RGS7: variants seen among roughly 807,000 people sequenced by gnomAD.
The protein encoded by RGS7 is regulator of G protein signaling 7.
A neutral mutation model predicts 81.1 loss-of-function variants in RGS7; 27 were observed. The observed-to-expected ratio is 0.33, with a 90% CI of 0.25 to 0.46. The LOEUF (loss-of-function observed/expected upper bound fraction) is 0.46. Among genes scored for constraint, RGS7 ranks in the 20% least tolerant of loss-of-function variants. The probability of loss-of-function intolerance (pLI) is 1.00; values close to 1 mark genes in which losing one functional copy is unlikely to be tolerated. For synonymous variants in RGS7, 208 were observed against 207.7 expected, an observed-to-expected ratio of 1.00 and a Z score of -0.01; for missense variants, 396 against 607.4, an observed-to-expected ratio of 0.65 and a Z score of 3.66.
At position 240,868,542 on chromosome 1, in the gene RGS7, AGACG is replaced by A. The variant is rs1242952408; in HGVS notation, c.609+41_609+44del. 1.3e-6 allele frequency: 2 copies of A among 1,572,390 alleles called. No individual in the cohort carries two copies. The highest frequency in any genetic ancestry group is 1.8e-6 in the Non-Finnish European group (2 of 1,142,380). On this transcript the variant is annotated intron_variant, in intron 9 of 18. Transcript: ENST00000440928. This position sits in a 1 kb window ranked among gnomAD's most constrained non-coding sequence, Gnocchi z 5.1. Reference sequence around the variant, plus strand: ...TGGCAGGGCACCCCTCACTTCCCACAGACGGAGAAGATGGATTCAAGACGAGAGT... The same window carrying A: ...TGGCAGGGCACCCCTCACTTCCCACAGAGAAGATGGATTCAAGACGAGAGT...
Position 241,171,682 on chromosome 1 carries a change from G to A in RGS7, c.79-72920C>T, listed in dbSNP as rs146148070. ...ATTTAATTACACCAGGGAATACTTCGGGTATTTTGAGAGATAGATGGATTA... is the reference window on the plus strand; with the variant it reads ...ATTTAATTACACCAGGGAATACTTCAGGTATTTTGAGAGATAGATGGATTA... On this transcript the variant is annotated intron_variant, in intron 2 of 18. Transcript: ENST00000440928. Among the ~76,000 whole-genome samples, 304 of 152,184 alleles carry A rather than the reference G, an allele frequency of 2.0e-3. 13 individuals carry two copies. In the East Asian group the frequency reaches 0.043, roughly 21 times the overall value.
intron 4 of RGS7, among the ~76,000 whole-genome samples, chr1:240,960,213 TC>T (rs1681140206): frequency 5.9e-5 from 2 of 33,876 alleles, no homozygotes; most frequent in African/African-American, 2.4e-4. Flanking sequence ...TTCCTCTTCT[TC>T]TTCTTTTTTT....
At chr1:241,106,461 T>A (rs1003503324) in intron 2 of RGS7, among the ~76,000 whole-genome samples, 1 of 152,108 alleles carries the variant, frequency 6.6e-6, no homozygotes, top group Non-Finnish European at 1.5e-5. Flanking sequence ...ATGCCTATAA[T>A]CCCAGCACTT....
intron 2 of RGS7, among the ~76,000 whole-genome samples, chr1:241,110,802 G>A (rs896887296): frequency 6.6e-6 from 1 of 151,032 alleles, no homozygotes; most frequent in Admixed American, 6.6e-5. Flanking sequence ...TGATTCTCCT[G>A]TCTCAGCCTC....
chr1:240,823,355 C>T (rs564428809), intron 10 of RGS7: 48 of 497,000 alleles, frequency 9.7e-5, no homozygotes, highest in Admixed American at 7.3e-4. Context: ...AAATTAGCTG[C>T]GGAGATGCCC....
chr1:240,831,748 G>T (rs763166534), intron 9 of RGS7, among the ~76,000 whole-genome samples: 12 of 150,448 alleles, frequency 8.0e-5, no homozygotes, highest in Non-Finnish European at 1.3e-4. Context: ...TGATTCTCCT[G>T]TCTCAGCCTT....
intron 2 of RGS7, among the ~76,000 whole-genome samples, chr1:241,301,043 C>T (rs1490441125): frequency 6.6e-6 from 1 of 152,164 alleles, no homozygotes; most frequent in Non-Finnish European, 1.5e-5. Flanking sequence ...TCTTATTTGC[C>T]AGGCCTTTCC....
chr1:240,791,384 C>A (rs10158110), intron 18 of RGS7, among the ~76,000 whole-genome samples: 205 of 152,182 alleles, frequency 1.3e-3, no homozygotes, highest in Non-Finnish European at 2.4e-3. Flanking sequence ...CAAAAACATA[C>A]GAAAAATTTA....
chr1:241,324,831 A>T (rs2081403499), intron 2 of RGS7, among the ~76,000 whole-genome samples: 1 of 152,194 alleles, frequency 6.6e-6, no homozygotes, highest in African/African-American at 2.4e-5. Flanking sequence ...TTCAGTTCAA[A>T]AGCTCTTTCT....
At chr1:240,819,314 AT>A (rs1186158436) in intron 10 of RGS7, among the ~76,000 whole-genome samples, 2 of 152,250 alleles carry the variant, frequency 1.3e-5, no homozygotes, top group East Asian at 1.9e-4. Flanking sequence ...GATTAAAAAA[AT>A]AACATAAAAG....
At chr1:241,225,881 C>T (rs924855939) in intron 2 of RGS7, among the ~76,000 whole-genome samples, 2 of 152,192 alleles carry the variant, frequency 1.3e-5, no homozygotes, top group African/African-American at 4.8e-5. Context: ...TTTGCTGCCA[C>T]TGAATAGAGT....
chr1:240,811,150 T>C (rs4660008), intron 14 of RGS7, among the ~76,000 whole-genome samples: 71,464 of 152,030 alleles, frequency 0.47, 18,457 homozygotes, highest in Non-Finnish European at 0.58. Flanking sequence ...GCATAAGTCA[T>C]GGAAAAGTAA....
At chr1:241,043,290 T>G (rs1172103994) in intron 3 of RGS7, among the ~76,000 whole-genome samples, 1 of 151,950 alleles carries the variant, frequency 6.6e-6, no homozygotes, top group Non-Finnish European at 1.5e-5. Flanking sequence ...TTACACTATT[T>G]TGTCTCAAAT....
intron 18 of RGS7, 125 bp downstream of exon 18, chr1:240,800,516 T>C (rs1388722127): frequency 6.6e-6 from 3 of 452,260 alleles, no homozygotes; most frequent in East Asian, 7.1e-5. Flanking sequence ...TCAACACACA[T>C]AACTCCACTG....
chr1:240,914,062 C>A (rs1159846250), intron 6 of RGS7, among the ~76,000 whole-genome samples: 6 of 126,178 alleles, frequency 4.8e-5, no homozygotes, highest in Non-Finnish European at 6.5e-5. Flanking sequence ...TCCCTCCCCC[C>A]TCCCCCCACC....
chr1:240,856,415 TG>T (rs1661135022), intron 9 of RGS7, among the ~76,000 whole-genome samples: 1 of 152,198 alleles, frequency 6.6e-6, no homozygotes, highest in Admixed American at 6.5e-5. Flanking sequence ...TAGCCTTTAG[TG>T]TGGGAAACTA....
rs916528037 is a variant in RGS7, at chr1:241,271,158, G to A, written c.78+84541C>T. The stretch of plus-strand genomic sequence containing the variant: ...GTATTTTCTATTGGCGGGAACTTAC[G>A]TGGCTAAAACGTCTCCTTTATAATG... On this transcript the variant is annotated intron_variant, in intron 2 of 18. Coordinates refer to ENST00000440928, the MANE Select transcript of RGS7 (RefSeq NM_001364886.1). The surrounding 1 kb of genome is among the most constrained non-coding windows in gnomAD (Gnocchi z 4.6). Among the ~76,000 whole-genome samples, 1 of 152,094 alleles carries A rather than the reference G, an allele frequency of 6.6e-6. No individual in the cohort carries two copies.
Position 240,812,165 on chromosome 1 carries a change from A to G in RGS7, c.957-122T>C, listed in dbSNP as rs369113013. The G allele has an allele frequency of 8.1e-6, 8 of 985,042 alleles. No individual in the cohort carries two copies. In the East Asian group the frequency reaches 1.7e-4, roughly 21 times the overall value. The allele number at this position is 985,042 out of a possible 1,614,324, so 61.0% of individuals were successfully genotyped here. ...TTCCCATCTTTACCTTTTCTTTAAA[A>G]ATATATATATCCGATTAACGGCTCT... On this transcript the variant is annotated intron_variant, in intron 13 of 18. Transcript: ENST00000440928.
At chr1:241,302,815 G>A (rs1280394469) in intron 2 of RGS7, among the ~76,000 whole-genome samples, 1 of 152,136 alleles carries the variant, frequency 6.6e-6, no homozygotes, top group Admixed American at 6.6e-5. Context: ...CTGACGTCAT[G>A]TCTTTTCAAC....
Sources: allele counts gnomAD v4.1 joint callset (sites outside exome capture counted in the v4.1 genomes callset), GRCh38; gene constraint gnomAD v4.1.1; non-coding constraint Gnocchi (gnomAD v3.1); transcripts MANE v1.5; gene names NCBI Gene and HGNC (gene_info 2026-07-23, HGNC 2026-07-21).